VPS8: variants seen among roughly 807,000 people sequenced by gnomAD.
The protein encoded by VPS8 is VPS8 subunit of CORVET complex.
VPS8 carries 129 observed loss-of-function variants against 216.4 expected under a neutral mutation model. The ratio of observed to expected loss-of-function variants is 0.60; its 90% CI spans 0.52 to 0.69. The LOEUF (loss-of-function observed/expected upper bound fraction) is 0.69. VPS8 is among the 30% of genes least tolerant of loss of function. VPS8 has a pLI of 0.00. For synonymous variants in VPS8, 571 were observed against 565.4 expected (o/e 1.01, Z -0.14); for missense variants, 1,531 against 1,683.5 (o/e 0.91, Z 1.59).
intron 27 of VPS8, 99 bp from the exon 28 acceptor site, chr3:184,915,256 A>C (rs1737333495): frequency 6.8e-7 from 1 of 1,461,510 alleles, no homozygotes; most frequent in Non-Finnish European, 9.2e-7. Flanking sequence ...ATTTAAACTG[A>C]ATTCAGCCTG....
intron 42 of VPS8, among the ~76,000 whole-genome samples, chr3:184,988,307 C>G (rs989290580): frequency 1.3e-5 from 2 of 152,294 alleles, no homozygotes; most frequent in Admixed American, 6.5e-5. Context: ...GCATTTTACA[C>G]TTAGAGCTAT....
intron 35 of VPS8, among the ~76,000 whole-genome samples, chr3:184,939,072 A>G (rs1742177653): frequency 6.6e-6 from 1 of 151,662 alleles, no homozygotes; most frequent in Admixed American, 6.6e-5. Context: ...AGTCTTAGAC[A>G]TTTCTTTTAA....
intron 21 of VPS8, among the ~76,000 whole-genome samples, chr3:184,884,608 A>T (rs950380997): frequency 7.2e-5 from 11 of 152,286 alleles, no homozygotes; most frequent in Admixed American, 6.5e-4. Context: ...TCATCTTCCT[A>T]TGCTAACAGG....
At position 184,870,795 on chromosome 3, in the gene VPS8, A is replaced by G. The variant is rs751791092; in HGVS notation, c.1724A>G (p.Gln575Arg). ...PDQGKIQVME[Q>R]HFQDMVPVIV... ...CAAGGAAAAATCCAAGTGATGGAGC[A>G]GCATTTTCAGGTACACATTGCATGT... The change falls in exon 21 of 48, where the codon CAG (glutamine) becomes CGG (arginine). Residue 575 changes from glutamine to arginine, a missense_variant. Physicochemically the swap from Gln to Arg is conservative, Grantham distance 43. Around this residue, in one of 3 missense-constraint regions of VPS8, gnomAD observed 1,318 missense variants for 1,468.4 expected, o/e 0.90. Transcript: ENST00000625842. 9.3e-6 allele frequency: 15 copies of G among 1,611,050 alleles called. No homozygotes were observed. The Admixed American group carries it at 2.3e-4, about 25-fold the overall frequency.
At chr3:184,993,863 A>G in intron 42 of VPS8, 120 bp from the exon 43 acceptor site, 1 of 758,904 alleles carries the variant, frequency 1.3e-6, no homozygotes, top group Admixed American at 3.3e-5. Context: ...TTCATGGAAG[A>G]ATAAATATTT....
Position 184,999,830 on chromosome 3 carries a change from A to G in VPS8, c.3971A>G (p.Glu1324Gly). 1 of 1,611,836 alleles carries G rather than the reference A, an allele frequency of 6.2e-7. No homozygotes were observed. The highest frequency in any genetic ancestry group is 8.5e-7 in the Non-Finnish European group (1 of 1,179,160). Residue 1324 changes from glutamate to glycine, a missense_variant, in exon 45 of 48, where the codon GAA (glutamate) becomes GGA (glycine). By Grantham distance (98) the Glu-to-Gly change is moderately conservative. This residue lies in a region of VPS8 where 1,318 missense variants were observed against 1,468.4 expected (regional missense o/e 0.90). Transcript: ENST00000625842. Reference protein sequence around the residue: ...KVGKLSENSSEIKKGRITPSQ... With the variant: ...KVGKLSENSSGIKKGRITPSQ... ...GGAAAACTCAGTGAAAATTCATCTG[A>G]AATTAAAAAGGGAAGGATAACCCCA...
intron 29 of VPS8, among the ~76,000 whole-genome samples, chr3:184,921,422 G>C (rs1326266687): frequency 3.3e-5 from 5 of 152,144 alleles, no homozygotes; most frequent in Non-Finnish European, 5.9e-5. Flanking sequence ...TGAAGAAAAT[G>C]TTCCCTCTCC....
intron 15 of VPS8, among the ~76,000 whole-genome samples, chr3:184,862,671 C>T (rs1196916826): frequency 6.6e-6 from 1 of 152,224 alleles, no homozygotes; most frequent in African/African-American, 2.4e-5. Context: ...TCTTCTTTTA[C>T]ACTATGAAAG....
At chr3:184,858,635 G>GT (rs1285927919) in intron 14 of VPS8, among the ~76,000 whole-genome samples, 1 of 152,218 alleles carries the variant, frequency 6.6e-6, no homozygotes, top group Non-Finnish European at 1.5e-5. Flanking sequence ...CATGGTTGTG[G>GT]TGGAGGACTC....
At chr3:185,020,292 G>A (rs141534263) in intron 45 of VPS8, among the ~76,000 whole-genome samples, 21 of 152,244 alleles carry the variant, frequency 1.4e-4, no homozygotes, top group Admixed American at 1.1e-3. Context: ...TTGATATGTC[G>A]AAGTAAACAT....
At chr3:184,884,769 A>G (rs1186814285) in intron 21 of VPS8, among the ~76,000 whole-genome samples, 1 of 152,138 alleles carries the variant, frequency 6.6e-6, no homozygotes, top group Non-Finnish European at 1.5e-5. Context: ...TTCTGTGACC[A>G]GCAAACCTAC....
intron 21 of VPS8, among the ~76,000 whole-genome samples, chr3:184,873,419 T>C (rs1728695277): frequency 6.6e-6 from 1 of 152,162 alleles, no homozygotes. Flanking sequence ...TACTTAACTG[T>C]GTGGCAGACA....
chr3:184,928,734 GAT>G (rs1740137420), intron 32 of VPS8, among the ~76,000 whole-genome samples: 1 of 152,114 alleles, frequency 6.6e-6, no homozygotes, highest in South Asian at 2.1e-4. Context: ...TGATAGGGCA[GAT>G]ATGAAACTTT....
Position 184,971,751 on chromosome 3 carries a change from A to T in VPS8, c.3419A>T (p.Glu1140Val), listed in dbSNP as rs779469512. The change falls in exon 40 of 48, where the codon GAG (glutamate) becomes GTG (valine). Residue 1140 changes from glutamate to valine, a missense_variant and splice_region_variant. Coordinates refer to ENST00000625842, the MANE Select transcript of VPS8 (RefSeq NM_001009921.3). ...NSHNLNQQQREALWFPLLEAM... is the reference protein window; with the variant it reads ...NSHNLNQQQRVALWFPLLEAM... ...CATAATTTGAACCAGCAGCAACGTG[A>T]GGTAGGAGAATGACTGTTTAGGTAT... The T allele has an allele frequency of 6.2e-7, 1 of 1,611,698 alleles. No homozygotes were observed. Among genetic ancestry groups the T allele is most frequent in the Non-Finnish European group, 8.5e-7 (1 of 1,178,582 alleles).
chr3:185,038,915 T>C (rs888301399), intron 46 of VPS8, among the ~76,000 whole-genome samples: 1 of 152,170 alleles, frequency 6.6e-6, no homozygotes, highest in Admixed American at 6.5e-5. Flanking sequence ...AGGGTAGAGC[T>C]TCCATTCCAT....
chr3:185,039,520 A>G (rs542828396), intron 46 of VPS8, among the ~76,000 whole-genome samples: 117 of 151,340 alleles, frequency 7.7e-4, no homozygotes, highest in Admixed American at 4.0e-3. Flanking sequence ...ACGCTATGAC[A>G]CTGTGGGGTT....
chr3:184,826,913 G>T (rs777218924), intron 3 of VPS8, among the ~76,000 whole-genome samples: 12 of 152,148 alleles, frequency 7.9e-5, no homozygotes, highest in Non-Finnish European at 1.3e-4. Context: ...TTCTAAAGGG[G>T]CTCTGTGAGA....
intron 1 of VPS8, among the ~76,000 whole-genome samples, chr3:184,822,958 A>G (rs754313374): frequency 5.9e-5 from 9 of 152,228 alleles, no homozygotes; most frequent in East Asian, 3.8e-4. Flanking sequence ...CTGTAACGTG[A>G]AAGAAATTAG....
At chr3:184,978,582 T>C (rs1749692082) in intron 40 of VPS8, among the ~76,000 whole-genome samples, 1 of 152,054 alleles carries the variant, frequency 6.6e-6, no homozygotes. Context: ...TGTGTTTTTG[T>C]AGAAACAGGG....
Sources: allele counts gnomAD v4.1 joint callset (sites outside exome capture counted in the v4.1 genomes callset), GRCh38; gene constraint gnomAD v4.1.1; regional missense constraint gnomAD v4.1.1; transcripts MANE v1.5; gene names NCBI Gene and HGNC (gene_info 2026-07-23, HGNC 2026-07-21).